The following DSCAM variants were observed in gnomAD, a reference collection of about 807,000 sequenced individuals.
DSCAM encodes the protein DS cell adhesion molecule, also known as cell adhesion molecule DSCAM.
Under a neutral mutation model 217.7 loss-of-function variants are expected in DSCAM, and 47 were observed. The ratio of observed to expected loss-of-function variants is 0.22; its 90% CI spans 0.17 to 0.28. DSCAM has a LOEUF of 0.28. Among genes scored for constraint, DSCAM ranks in the 10% least tolerant of loss-of-function variants. The pLI, the probability that DSCAM is intolerant of heterozygous loss-of-function variation, is 1.00. For missense variants in DSCAM, 2,080 were observed against 2,618.3 expected (o/e 0.79, Z 4.49); for synonymous variants, 1,056 against 1,015.3 (o/e 1.04, Z -0.76).
intron 6 of DSCAM, among the ~76,000 whole-genome samples, chr21:40,342,748 T>TA (rs2074512560): frequency 7.4e-6 from 1 of 134,982 alleles, no homozygotes; most frequent in Non-Finnish European, 1.6e-5. Context: ...ACCACGCCTT[T>TA]TTTTTTTTTT....
intron 3 of DSCAM, among the ~76,000 whole-genome samples, chr21:40,688,937 G>C (rs947464896): frequency 6.6e-6 from 1 of 152,122 alleles, no homozygotes; most frequent in Non-Finnish European, 1.5e-5. Flanking sequence ...ATGATGAAGA[G>C]GCATAACTTG....
intron 3 of DSCAM, among the ~76,000 whole-genome samples, chr21:40,563,649 T>C (rs2076740010): frequency 1.4e-5 from 2 of 141,754 alleles, no homozygotes. Flanking sequence ...TATATAGTTA[T>C]ATGTTTATGT....
intron 11 of DSCAM, among the ~76,000 whole-genome samples, chr21:40,232,152 G>A (rs1159065226): frequency 2.6e-5 from 4 of 152,146 alleles, no homozygotes; most frequent in African/African-American, 9.7e-5. Context: ...ACCTAGAACT[G>A]TAACTACAGG....
chr21:40,065,495 C>T (rs1170948748), intron 27 of DSCAM, among the ~76,000 whole-genome samples: 1 of 152,120 alleles, frequency 6.6e-6, no homozygotes, highest in Non-Finnish European at 1.5e-5. Context: ...AAAGACTTTT[C>T]AGATTGGCCA....
At chr21:40,767,364 C>T (rs897578591) in intron 1 of DSCAM, among the ~76,000 whole-genome samples, 11 of 152,068 alleles carry the variant, frequency 7.2e-5, no homozygotes, top group African/African-American at 2.2e-4. Context: ...GCAGTAACTT[C>T]GGGCCCACAT....
chr21:40,759,440 CTGAA>C (rs1197168956), intron 1 of DSCAM, among the ~76,000 whole-genome samples: 1 of 152,224 alleles, frequency 6.6e-6, no homozygotes, highest in Non-Finnish European at 1.5e-5. Flanking sequence ...AAAAAACCAA[CTGAA>C]TGATCTTTAA....
At chr21:40,694,735 C>T (rs76868343) in intron 2 of DSCAM, among the ~76,000 whole-genome samples, 2,513 of 151,880 alleles carry the variant, frequency 0.017, 55 homozygotes, top group African/African-American at 0.058. Context: ...AAATTCAGGG[C>T]GCCCAAGAGA....
intron 3 of DSCAM, among the ~76,000 whole-genome samples, chr21:40,508,781 A>G (rs1463502436): frequency 2.8e-4 from 2 of 7,246 alleles, no homozygotes; most frequent in Non-Finnish European, 4.5e-4. Context: ...ATATATATAT[A>G]TATTTTTTTT....
At chr21:40,390,086 G>A (rs1601607367) in intron 3 of DSCAM, among the ~76,000 whole-genome samples, 2 of 152,164 alleles carry the variant, frequency 1.3e-5, no homozygotes, top group Admixed American at 6.5e-5. Flanking sequence ...CATGGACAGG[G>A]TGGGGCAAGG....
At chr21:40,438,420 G>A (rs1262728517) in intron 3 of DSCAM, among the ~76,000 whole-genome samples, 1 of 152,136 alleles carries the variant, frequency 6.6e-6, no homozygotes, top group Non-Finnish European at 1.5e-5. Flanking sequence ...GAATGAATGA[G>A]TGGTAAGTGA....
intron 3 of DSCAM, among the ~76,000 whole-genome samples, chr21:40,509,482 C>T (rs183235919): frequency 6.6e-6 from 1 of 152,298 alleles, no homozygotes; most frequent in African/African-American, 2.4e-5. Flanking sequence ...TGACAGCTCC[C>T]CATTGTTCCT....
chr21:40,642,042 C>CT (rs574548822), intron 3 of DSCAM, among the ~76,000 whole-genome samples: 7,013 of 89,080 alleles, frequency 0.079, 312 homozygotes, highest in Non-Finnish European at 0.095. Context: ...GACTCTGTCT[C>CT]AAAAAAAAAA....
At chr21:40,681,375 T>A (rs1426894137) in intron 3 of DSCAM, among the ~76,000 whole-genome samples, 9 of 152,158 alleles carry the variant, frequency 5.9e-5, no homozygotes, top group African/African-American at 2.2e-4. Flanking sequence ...GGCTGCCAGC[T>A]GGATGCTGGC....
At position 40,134,024 on chromosome 21, in the gene DSCAM, C is replaced by T. The variant is rs1356383851; in HGVS notation, c.3407-15G>A. On this transcript the variant is annotated splice_polypyrimidine_tract_variant and intron_variant, in intron 18 of 32. Coordinates refer to ENST00000400454, the MANE Select transcript of DSCAM (RefSeq NM_001389.5). ...CTCACCCAGCTCTGGAGGACAAGAA[C>T]AAGAAAACAAAATCCCACTTCTGAG... 6.2e-7 allele frequency: 1 copy of T among 1,600,076 alleles called. No homozygotes were observed.
chr21:40,830,449 T>C (rs143781463), intron 1 of DSCAM, among the ~76,000 whole-genome samples: 19 of 152,284 alleles, frequency 1.2e-4, no homozygotes, highest in African/African-American at 4.6e-4. Flanking sequence ...GGACATGAGA[T>C]TTGGGCAGGG....
intron 8 of DSCAM, among the ~76,000 whole-genome samples, chr21:40,327,119 G>A (rs933960601): frequency 6.6e-6 from 1 of 151,970 alleles, no homozygotes; most frequent in Non-Finnish European, 1.5e-5. Flanking sequence ...TGTTATTTCT[G>A]ACTTAAAATG....
At chr21:40,314,686 C>G (rs894399993) in intron 8 of DSCAM, among the ~76,000 whole-genome samples, 2 of 152,124 alleles carry the variant, frequency 1.3e-5, no homozygotes, top group African/African-American at 4.8e-5. Context: ...GACACAAAAA[C>G]CTGGTTGTCA....
chr21:40,688,333 G>A (rs563463931), intron 3 of DSCAM, among the ~76,000 whole-genome samples: 1 of 152,136 alleles, frequency 6.6e-6, no homozygotes, highest in African/African-American at 2.4e-5. Context: ...CCCTAATCGG[G>A]AGGAAATTCA....
intron 3 of DSCAM, among the ~76,000 whole-genome samples, chr21:40,526,776 A>G (rs2076404015): frequency 6.6e-6 from 1 of 152,124 alleles, no homozygotes; most frequent in African/African-American, 2.4e-5. Context: ...TATAATTTAA[A>G]TACAGAGCAC....
Sources: allele counts gnomAD v4.1 joint callset (sites outside exome capture counted in the v4.1 genomes callset), GRCh38; gene constraint gnomAD v4.1.1; transcripts MANE v1.5; gene names NCBI Gene and HGNC (gene_info 2026-07-23, HGNC 2026-07-21).